Variants in KIAA1210 observed in about 807,000 individuals in gnomAD.
KIAA1210 encodes the protein KIAA1210.
A neutral mutation model predicts 78.9 loss-of-function variants in KIAA1210; 48 were observed. That is an observed-to-expected ratio of 0.61 (90% confidence interval 0.48 to 0.77). The LOEUF is 0.77. Ranked by LOEUF, KIAA1210 falls within the 30% of genes least tolerant of loss-of-function variation. The pLI is 0.00. For synonymous variants in KIAA1210, 406 were observed against 404.5 expected, an observed-to-expected ratio of 1.00 and a Z score of -0.04; for missense variants, 1,108 against 1,100.0, an observed-to-expected ratio of 1.01 and a Z score of -0.10.
In KIAA1210 at chrX:119,088,076, T is replaced by G; in HGVS notation, c.2626A>C (p.Arg876=). The G allele has an allele frequency of 8.3e-7, 1 of 1,211,537 alleles. No individual in the cohort carries two copies. ...EGTYVEPLPP[R]CLSQPSERPK... is the part of the protein sequence containing the mutation. ...CTCTCCGAGGGCTGGGAAAGGCATC[T>G]GGGAGGCAGCGGTTCCACATAAGTG... The change falls in exon 9 of 12, where the codon AGA becomes CGA. Residue 876 remains arginine (R), a synonymous_variant. Coordinates refer to ENST00000691062, the MANE Select transcript of KIAA1210 (RefSeq NM_001394962.1).
At position 119,112,670 on chromosome X, in the gene KIAA1210, T is replaced by C. The variant is rs1474409847; in HGVS notation, c.231-3468A>G. On this transcript the variant is annotated intron_variant, in intron 3 of 11. Transcript: ENST00000691062. Reference sequence around the variant, plus strand: ...GCTAGAATGAAAAATTCAATTCAGATAATAACACGCATTGGCAAGGTTGTG... The same window carrying C: ...GCTAGAATGAAAAATTCAATTCAGACAATAACACGCATTGGCAAGGTTGTG... Among the ~76,000 whole-genome samples the C allele has an allele frequency of 3.6e-5, 4 of 111,827 alleles. No homozygotes were observed. The East Asian group carries it at 8.4e-4, about 24-fold the overall frequency.
rs868079879 is a variant in KIAA1210, at chrX:119,092,716, A to C, written c.955+951T>G. Among the ~76,000 whole-genome samples, 359 of 109,363 alleles carry C rather than the reference A, an allele frequency of 3.3e-3. 4 individuals are homozygous for C. The highest frequency in any genetic ancestry group is 0.011 in the African/African-American group (326 of 30,077). 95.0% of individuals were successfully genotyped at this position (109,363 alleles called of 115,157 possible). A position where few individuals can be genotyped will look rare whatever the true frequency, so the allele number is the denominator to read the frequency against. On this transcript the variant is annotated intron_variant, in intron 8 of 11. Transcript: ENST00000691062. ...GTGGAGGTTGCAGTGAGCCGAGATC[A>C]TGCCACTGCACTCCAGCCTGGGTGA...
intron 2 of KIAA1210, among the ~76,000 whole-genome samples, chrX:119,144,430 A>G: frequency 8.9e-6 from 1 of 112,726 alleles, no homozygotes; most frequent in Middle Eastern, 4.6e-3. Context: ...TTATGCTTCC[A>G]GAGGGACTTG....
At chrX:119,084,782 C>T (rs896742186) in intron 10 of KIAA1210, among the ~76,000 whole-genome samples, 1 of 112,330 alleles carries the variant, frequency 8.9e-6, no homozygotes, top group East Asian at 2.8e-4. Flanking sequence ...AAATGACTTA[C>T]TCCTTATTTC....
chrX:119,083,129 CA>C lies in KIAA1210; in HGVS notation c.4321-10del. ...TTTGCAGAGCCAGCTCCCTTTAATA[CA>C]AAAATGAAAACAGAAAGCTTGTAAG... On this transcript the variant is annotated splice_polypyrimidine_tract_variant and intron_variant, in intron 10 of 11. Coordinates refer to ENST00000691062, the MANE Select transcript of KIAA1210 (RefSeq NM_001394962.1). 1 of 1,168,612 alleles carries C rather than the reference CA, an allele frequency of 8.6e-7. No homozygotes were observed. The highest frequency in any genetic ancestry group is 1.2e-6 in the Non-Finnish European group (1 of 864,641).
At chrX:119,144,908 G>A (rs748889993) in intron 2 of KIAA1210, among the ~76,000 whole-genome samples, 1 of 112,096 alleles carries the variant, frequency 8.9e-6, no homozygotes, top group South Asian at 3.7e-4. Context: ...GGTAGACTGT[G>A]GACATGAACC....
chrX:119,145,228 T>C (rs1929138970), intron 2 of KIAA1210, among the ~76,000 whole-genome samples: 1 of 110,657 alleles, frequency 9.0e-6, no homozygotes. Context: ...TAGTTTAAGG[T>C]AGAGTCTCAT....
chrX:119,119,989 AAAAAAAGAAAG>A (rs201205051), intron 2 of KIAA1210, among the ~76,000 whole-genome samples: 24,040 of 102,638 alleles, frequency 0.23, 2,782 homozygotes, highest in South Asian at 0.37. Context: ...AAAAAAAAAA[AAAAAAAGAAAG>A]AAAGAAAAGA....
intron 10 of KIAA1210, among the ~76,000 whole-genome samples, chrX:119,084,740 A>AC (rs907707770): frequency 9.0e-6 from 1 of 111,475 alleles, no homozygotes; most frequent in Non-Finnish European, 1.9e-5. Flanking sequence ...TTCCCCCCAA[A>AC]CCTATGGAAA....
At chrX:119,105,177 T>G in intron 5 of KIAA1210, 30 bp from the exon 6 acceptor site, 4 of 1,153,034 alleles carry the variant, frequency 3.5e-6, no homozygotes, top group South Asian at 4.2e-5. Flanking sequence ...AAGGAACAAT[T>G]TAAAACCTGT....
chrX:119,136,746 G>T (rs929849538), intron 2 of KIAA1210, among the ~76,000 whole-genome samples: 3 of 112,052 alleles, frequency 2.7e-5, no homozygotes, highest in Non-Finnish European at 3.8e-5. Flanking sequence ...GAGATCACTG[G>T]ACATTCTCAG....
intron 1 of KIAA1210, among the ~76,000 whole-genome samples, chrX:119,127,274 T>A (rs1330837813): frequency 9.3e-6 from 1 of 107,601 alleles, no homozygotes; most frequent in Non-Finnish European, 1.9e-5. Flanking sequence ...AACCACAATG[T>A]GGGGCCATGG....
Position 119,089,125 on chromosome X carries a change from A to G in KIAA1210, c.1577T>C (p.Leu526Ser). The G allele has an allele frequency of 1.7e-6, 2 of 1,211,692 alleles. No individual in the cohort carries two copies. Among genetic ancestry groups the G allele is most frequent in the Admixed American group, 2.2e-5 (1 of 46,062 alleles). ...AAAGCTGAAAGCTTCTTGATCTTCT[A>G]ACTGGATATGAGAAGGATTCATAAA... is the stretch of plus-strand genomic sequence containing the variant. The part of the protein sequence containing the change: ...QVFMNPSHIQ[L>S]EDQEAFSFDL... The change falls in exon 9 of 12, where the codon TTA (leucine) becomes TCA (serine). Residue 526 changes from leucine (L) to serine (S), a missense_variant. Coordinates refer to ENST00000691062, the MANE Select transcript of KIAA1210 (RefSeq NM_001394962.1).
chrX:119,119,869 G>T (rs903374324), intron 2 of KIAA1210, among the ~76,000 whole-genome samples: 1 of 108,860 alleles, frequency 9.2e-6, no homozygotes, highest in South Asian at 4.1e-4. Flanking sequence ...CCAGCTACTC[G>T]GGAGGCTGAG....
At chrX:119,118,242 A>G (rs756081149) in intron 2 of KIAA1210, among the ~76,000 whole-genome samples, 8 of 111,967 alleles carry the variant, frequency 7.1e-5, no homozygotes, top group Non-Finnish European at 1.1e-4. Flanking sequence ...GCTTGAATTC[A>G]CTATCAATTA....
At chrX:119,146,451 C>T (rs983589342) in intron 2 of KIAA1210, among the ~76,000 whole-genome samples, 1 of 112,239 alleles carries the variant, frequency 8.9e-6, no homozygotes, top group African/African-American at 3.2e-5. Context: ...CTCCCTACAA[C>T]AAGTGGAACA....
intron 2 of KIAA1210, among the ~76,000 whole-genome samples, chrX:119,135,235 C>T (rs769280202): frequency 8.9e-6 from 1 of 112,199 alleles, no homozygotes; most frequent in African/African-American, 3.2e-5. Context: ...GAAATGCCCA[C>T]TCACTGCTGC....
chrX:119,134,257 TTAACA>T (rs60029157), intron 2 of KIAA1210, among the ~76,000 whole-genome samples: 1,833 of 112,257 alleles, frequency 0.016, 48 homozygotes, highest in African/African-American at 0.056. Flanking sequence ...CTTATTTCAC[TTAACA>T]TAACATCCTC....
chrX:119,081,964 T>C (rs904807142), intron 11 of KIAA1210, among the ~76,000 whole-genome samples: 1 of 112,308 alleles, frequency 8.9e-6, no homozygotes, highest in African/African-American at 3.2e-5. Context: ...CCAGTAAAAG[T>C]TGATGATAAA....
Sources: gnomAD v4.1 joint callset for allele counts (sites outside exome capture counted in the v4.1 genomes callset) on GRCh38, gnomAD v4.1.1 for gene constraint, MANE v1.5 for transcripts, NCBI Gene and HGNC (gene_info 2026-07-23, HGNC 2026-07-21) for gene names.